DTNBP1: variants seen among roughly 807,000 people sequenced by gnomAD.
The protein encoded by DTNBP1 is dystrobrevin binding protein 1.
A neutral mutation model predicts 42.8 loss-of-function variants in DTNBP1; 35 were observed. The ratio of observed to expected loss-of-function variants is 0.82; its 90% confidence interval spans 0.63 to 1.09. The LOEUF (loss-of-function observed/expected upper bound fraction) is 1.09, where lower values mean the gene tolerates loss of function less well. Among genes scored for constraint, DTNBP1 ranks in the 50% least tolerant of loss-of-function variants. The pLI, the probability that DTNBP1 is intolerant of heterozygous loss-of-function variation, is 0.00. For synonymous variants in DTNBP1, 171 were observed against 162.2 expected (o/e 1.05, Z -0.41); for missense variants, 457 against 424.2 (o/e 1.08, Z -0.68).
chr6:15,533,460 C>T, intron 7 of DTNBP1, 65 bp from the exon 8 acceptor site: 2 of 1,612,666 alleles, frequency 1.2e-6, no homozygotes, highest in East Asian at 2.2e-5. Context: ...TGGGTATAAA[C>T]AGCTGCTCGC....
chr6:15,648,798 T>C (rs1760828186), intron 3 of DTNBP1, among the ~76,000 whole-genome samples: 1 of 152,106 alleles, frequency 6.6e-6, no homozygotes, highest in Non-Finnish European at 1.5e-5. Context: ...CATTGTTATC[T>C]GTAATAAGCA....
rs970093656 is a variant in DTNBP1 at position 15,651,840 on chromosome 6, T to C, written c.110+247A>G. On this transcript the variant is annotated intron_variant, in intron 2 of 9. Transcript: ENST00000344537. The stretch of plus-strand genomic sequence containing the variant: ...TCTTATACAAATTAAAAATGACTAA[T>C]TGTGATCAAATAATACTCATTGACT... Among the ~76,000 whole-genome samples the C allele has an allele frequency of 3.3e-5, 5 of 152,220 alleles. No individual in the cohort carries two copies. In the East Asian group the frequency reaches 5.8e-4, roughly 18 times the overall value.
At chr6:15,589,164 G>A (rs1776196884) in intron 7 of DTNBP1, among the ~76,000 whole-genome samples, 1 of 152,208 alleles carries the variant, frequency 6.6e-6, no homozygotes, top group South Asian at 2.1e-4. Flanking sequence ...GCTAAGGGCT[G>A]CCAAGCCAGT....
chr6:15,549,020 C>T (rs1253133171), intron 7 of DTNBP1, among the ~76,000 whole-genome samples: 1 of 152,156 alleles, frequency 6.6e-6, no homozygotes, highest in African/African-American at 2.4e-5. Flanking sequence ...AGTAACCCCT[C>T]ACTACCAGGA....
intron 6 of DTNBP1, among the ~76,000 whole-genome samples, chr6:15,596,750 C>T (rs1428073617): frequency 2.0e-5 from 3 of 152,200 alleles, no homozygotes; most frequent in African/African-American, 4.8e-5. Flanking sequence ...CTTCTTTGAG[C>T]TCCAGACTCA....
Position 15,585,831 on chromosome 6 carries a change from C to T in DTNBP1, c.511+7228G>A, listed in dbSNP as rs1001654207. 6.0e-6 allele frequency: 9 copies of T among 1,501,524 alleles called. No individual in the cohort carries two copies. In the African/African-American group the frequency reaches 1.2e-4, roughly 21 times the overall value. The allele number at this position is 1,501,524 out of a possible 1,614,324, so 93.0% of individuals were successfully genotyped here. Reference sequence around the variant, plus strand: ...AGTGAAGCCTCCAGTTACCAGGCAGCTGCCCTCACGTGCATCTTCTGGGAT... The same window carrying T: ...AGTGAAGCCTCCAGTTACCAGGCAGTTGCCCTCACGTGCATCTTCTGGGAT... On this transcript the variant is annotated intron_variant, in intron 7 of 9. Coordinates refer to ENST00000344537, the MANE Select transcript of DTNBP1 (RefSeq NM_032122.5).
At chr6:15,612,629 G>T (rs1241636112) in intron 6 of DTNBP1, among the ~76,000 whole-genome samples, 1 of 152,206 alleles carries the variant, frequency 6.6e-6, no homozygotes, top group African/African-American at 2.4e-5. Flanking sequence ...CTTAGCTGGT[G>T]CCAAGCACTA....
chr6:15,570,015 G>A lies in DTNBP1; in HGVS notation c.511+23044C>T, dbSNP rs147348854. On this transcript the variant is annotated intron_variant, in intron 7 of 9. Coordinates refer to ENST00000344537, the MANE Select transcript of DTNBP1 (RefSeq NM_032122.5). Reference sequence around the variant, plus strand: ...ACCCCTTCTCTGTATATGTGCATGCGTATGTATACCTGTGTGTACATACAT... The same window carrying A: ...ACCCCTTCTCTGTATATGTGCATGCATATGTATACCTGTGTGTACATACAT... Among the ~76,000 whole-genome samples, 142 of 152,034 alleles carry A rather than the reference G, an allele frequency of 9.3e-4. 1 individual carries two copies. The highest frequency in any genetic ancestry group is 6.0e-3 in the South Asian group (29 of 4,818).
intron 7 of DTNBP1, among the ~76,000 whole-genome samples, chr6:15,582,420 T>C (rs1018700624): frequency 4.6e-5 from 7 of 152,214 alleles, no homozygotes; most frequent in Non-Finnish European, 1.0e-4. Flanking sequence ...GTACTAACTA[T>C]GAAATGCAAA....
intron 3 of DTNBP1, among the ~76,000 whole-genome samples, chr6:15,642,099 GC>G (rs1488184414): frequency 1.8e-4 from 28 of 152,082 alleles, no homozygotes; most frequent in Admixed American, 1.6e-3. Context: ...CACAGCTCAA[GC>G]TTTCAGGAAG....
intron 7 of DTNBP1, among the ~76,000 whole-genome samples, chr6:15,563,820 G>A (rs974805855): frequency 6.6e-6 from 1 of 152,190 alleles, no homozygotes; most frequent in Non-Finnish European, 1.5e-5. Flanking sequence ...CACTTTGAGA[G>A]GCTGAGGCTG....
chr6:15,569,382 A>AG (rs1775243445), intron 7 of DTNBP1, among the ~76,000 whole-genome samples: 1 of 132,108 alleles, frequency 7.6e-6, no homozygotes, highest in African/African-American at 2.9e-5. Context: ...GACAGGAACG[A>AG]AATCAGCGTG....
chr6:15,603,018 A>T (rs139063761), intron 6 of DTNBP1, among the ~76,000 whole-genome samples: 1 of 152,370 alleles, frequency 6.6e-6, no homozygotes, highest in African/African-American at 2.4e-5. Flanking sequence ...CAACCCAAGG[A>T]TCTAATAAAC....
At chr6:15,593,156 A>T in intron 6 of DTNBP1, 75 bp from the exon 7 acceptor site, 1 of 1,367,318 alleles carries the variant, frequency 7.3e-7, no homozygotes, top group East Asian at 2.4e-5. Flanking sequence ...CTTCCATCAT[A>T]ATAAAAACTT....
intron 7 of DTNBP1, among the ~76,000 whole-genome samples, chr6:15,572,517 T>C (rs1332098005): frequency 2.0e-5 from 3 of 152,244 alleles, no homozygotes; most frequent in Non-Finnish European, 4.4e-5. Flanking sequence ...GTCTCTGTAG[T>C]AATAATAGCT....
chr6:15,612,688 T>C (rs1011378232), intron 6 of DTNBP1, among the ~76,000 whole-genome samples: 2 of 152,178 alleles, frequency 1.3e-5, no homozygotes, highest in African/African-American at 4.8e-5. Context: ...TACTGTACTA[T>C]TATTATCCCC....
chr6:15,590,323 C>A (rs1776245816), intron 7 of DTNBP1, among the ~76,000 whole-genome samples: 1 of 152,204 alleles, frequency 6.6e-6, no homozygotes, highest in African/African-American at 2.4e-5. Flanking sequence ...TCAAATCCAA[C>A]AGGCTCTCTC....
Position 15,538,390 on chromosome 6 carries a change from G to A in DTNBP1, c.512-4995C>T, listed in dbSNP as rs150178702. 3.3e-5 allele frequency among the ~76,000 whole-genome samples: 5 copies of A among 152,282 alleles called. No individual in the cohort carries two copies. In the East Asian group the frequency reaches 9.7e-4, roughly 29 times the overall value. ...GGCCTCCATCCCACAATCACTAGGT[G>A]CCTGAACTCTGGCAATGACCTGAAG... On this transcript the variant is annotated intron_variant, in intron 7 of 9. Coordinates refer to ENST00000344537, the MANE Select transcript of DTNBP1 (RefSeq NM_032122.5).
chr6:15,660,367 G>A (rs1357209280), intron 1 of DTNBP1: 9 of 1,289,770 alleles, frequency 7.0e-6, no homozygotes, highest in East Asian at 5.6e-5. Context: ...CAGCTTAAAT[G>A]TAGGAAATTG....
Sources: allele counts gnomAD v4.1 joint callset (sites outside exome capture counted in the v4.1 genomes callset), GRCh38; gene constraint gnomAD v4.1.1; transcripts MANE v1.5; gene names NCBI Gene and HGNC (gene_info 2026-07-23, HGNC 2026-07-21).